KIAA0319L: variants seen among roughly 807,000 people sequenced by gnomAD.
KIAA0319L encodes the protein dyslexia-associated protein KIAA0319-like protein.
In KIAA0319L, 55 loss-of-function variants were observed where a neutral mutation model predicts 120.1. That is an observed-to-expected ratio of 0.46 (90% CI 0.37 to 0.57). The LOEUF (loss-of-function observed/expected upper bound fraction) is 0.57. Ranked by LOEUF, KIAA0319L falls within the 20% of genes least tolerant of loss-of-function variation. The pLI is 0.00. For missense variants in KIAA0319L, 1,049 were observed against 1,255.3 expected (o/e 0.84, Z 2.48); for synonymous variants, 398 against 471.9 (o/e 0.84, Z 2.03).
At chr1:35,484,806 A>ATTTTT (rs1198710657) in intron 3 of KIAA0319L, among the ~76,000 whole-genome samples, 41 of 86,228 alleles carry the variant, frequency 4.8e-4, no homozygotes, top group African/African-American at 4.2e-4. Context: ...ATATATATAT[A>ATTTTT]TTTTTTTTTT....
intron 2 of KIAA0319L, among the ~76,000 whole-genome samples, chr1:35,543,914 G>C (rs1317920896): frequency 6.6e-6 from 1 of 152,204 alleles, no homozygotes; most frequent in African/African-American, 2.4e-5. Flanking sequence ...TTTATAGTAA[G>C]TGATAAGGAT....
intron 2 of KIAA0319L, among the ~76,000 whole-genome samples, chr1:35,541,961 T>A (rs1646810828): frequency 6.6e-6 from 1 of 152,186 alleles, no homozygotes; most frequent in South Asian, 2.1e-4. Flanking sequence ...CTTCAATTAG[T>A]CTCAGACCTG....
chr1:35,495,062 T>G (rs1644749154), intron 3 of KIAA0319L, among the ~76,000 whole-genome samples: 1 of 152,058 alleles, frequency 6.6e-6, no homozygotes, highest in South Asian at 2.1e-4. Flanking sequence ...TAGACCTAAA[T>G]GTAAAACCTA....
At chr1:35,541,202 A>G (rs1265497585) in intron 2 of KIAA0319L, among the ~76,000 whole-genome samples, 1 of 151,964 alleles carries the variant, frequency 6.6e-6, no homozygotes, top group African/African-American at 2.4e-5. Flanking sequence ...TCGGCCTCCC[A>G]AACTGCTGGG....
At chr1:35,464,833 C>T (rs1643140580) in intron 7 of KIAA0319L, among the ~76,000 whole-genome samples, 1 of 152,250 alleles carries the variant, frequency 6.6e-6, no homozygotes, top group African/African-American at 2.4e-5. Context: ...ATCCCAGCTG[C>T]TCAAGCCATG....
At chr1:35,552,498 G>A (rs1451227358) in intron 2 of KIAA0319L, among the ~76,000 whole-genome samples, 1 of 152,180 alleles carries the variant, frequency 6.6e-6, no homozygotes, top group African/African-American at 2.4e-5. Context: ...AAGTCATTCT[G>A]CCTCTCTAGG....
intron 15 of KIAA0319L, among the ~76,000 whole-genome samples, chr1:35,448,590 AG>A (rs1464066955): frequency 6.6e-6 from 1 of 152,056 alleles, no homozygotes; most frequent in Non-Finnish European, 1.5e-5. Context: ...TGATGCAATG[AG>A]GGGTGGGGAG....
chr1:35,477,196 T>A (rs1643925479), intron 4 of KIAA0319L, among the ~76,000 whole-genome samples: 1 of 152,088 alleles, frequency 6.6e-6, no homozygotes, highest in African/African-American at 2.4e-5. Context: ...TGACAAGGGA[T>A]TAATAACCAG....
intron 3 of KIAA0319L, among the ~76,000 whole-genome samples, chr1:35,501,748 C>T (rs1276031268): frequency 2.0e-5 from 3 of 152,040 alleles, no homozygotes; most frequent in African/African-American, 7.3e-5. Flanking sequence ...CGTGATGGCT[C>T]ATGCCTGTAG....
At chr1:35,500,578 CT>C (rs1460694281) in intron 3 of KIAA0319L, among the ~76,000 whole-genome samples, 8 of 152,378 alleles carry the variant, frequency 5.3e-5, no homozygotes, top group Middle Eastern at 3.4e-3. Flanking sequence ...CTTTGCAGCT[CT>C]GCAGGCAGGC....
intron 3 of KIAA0319L, among the ~76,000 whole-genome samples, chr1:35,504,028 G>T (rs1214980370): frequency 1.3e-5 from 2 of 151,450 alleles, no homozygotes; most frequent in Non-Finnish European, 2.9e-5. Flanking sequence ...TGGGATTACA[G>T]GTGTGCACCA....
intron 2 of KIAA0319L, among the ~76,000 whole-genome samples, chr1:35,519,789 A>G (rs1318392873): frequency 6.6e-6 from 1 of 152,242 alleles, no homozygotes; most frequent in East Asian, 1.9e-4. Flanking sequence ...ATTCAGGAAG[A>G]GAAAGAGGAG....
chr1:35,470,389 A>G (rs1198810889), intron 6 of KIAA0319L, among the ~76,000 whole-genome samples: 2 of 148,378 alleles, frequency 1.3e-5, no homozygotes, highest in Non-Finnish European at 3.0e-5. Context: ...GCTACTCAGG[A>G]GGCTGAGGTA....
chr1:35,444,213 C>T lies in KIAA0319L; in HGVS notation c.2604G>A (p.Arg868=). The T allele has an allele frequency of 1.2e-6, 2 of 1,609,782 alleles. No homozygotes were observed. Among genetic ancestry groups the T allele is most frequent in the Non-Finnish European group, 1.7e-6 (2 of 1,178,296 alleles). The change falls in exon 17 of 21, where the codon CGG becomes CGA. Residue 868 remains arginine, a synonymous_variant. Coordinates refer to ENST00000325722, the MANE Select transcript of KIAA0319L (RefSeq NM_024874.5). Reference sequence around the variant, plus strand: ...ATATCAAAAAGTCTGCCTTTTGCTTCCGCAGCTCACTCTTGAGCATCGCTG... The same window carrying T: ...ATATCAAAAAGTCTGCCTTTTGCTTTCGCAGCTCACTCTTGAGCATCGCTG... ...EVAAMLKSEL[R]KQKADFLIFR...
chr1:35,526,803 T>A (rs1302516872), intron 2 of KIAA0319L, among the ~76,000 whole-genome samples: 5 of 152,096 alleles, frequency 3.3e-5, no homozygotes, highest in African/African-American at 1.2e-4. Context: ...CAGTGGATCA[T>A]GCCTGTAATC....
rs773194588 is a variant in KIAA0319L at position 35,474,830 on chromosome 1, T to C, written c.990A>G (p.Ala330=). ...CTTTAGGTGGTTCTTGGAGAACATATGCATTTAATTGAACTTCATTCTTAG... is the reference window on the plus strand; with the variant it reads ...CTTTAGGTGGTTCTTGGAGAACATACGCATTTAATTGAACTTCATTCTTAG... ...TLPKNEVQLN[A]YVLQEPPKGE... The change falls in exon 5 of 21, where the codon GCA becomes GCG. Residue 330 remains alanine, a synonymous_variant. Transcript: ENST00000325722. 5 of 1,606,060 alleles carry C rather than the reference T, an allele frequency of 3.1e-6. No individual in the cohort carries two copies. The highest frequency in any genetic ancestry group is 4.3e-6 in the Non-Finnish European group (5 of 1,172,922).
At chr1:35,435,327 C>T in intron 20 of KIAA0319L, 1 of 446,426 alleles carries the variant, frequency 2.2e-6, no homozygotes. Flanking sequence ...GCTGGTTCTT[C>T]ATCTCCAGTA....
At chr1:35,465,298 C>A (rs1643180112) in intron 7 of KIAA0319L, among the ~76,000 whole-genome samples, 1 of 152,226 alleles carries the variant, frequency 6.6e-6, no homozygotes, top group South Asian at 2.1e-4. Context: ...AAGACCATAG[C>A]AACACACCTC....
At chr1:35,461,520 C>T (rs550853239) in intron 8 of KIAA0319L, among the ~76,000 whole-genome samples, 1 of 152,152 alleles carries the variant, frequency 6.6e-6, no homozygotes, top group South Asian at 2.1e-4. Flanking sequence ...CACATAACAG[C>T]ACATATAATG....
Sources: gnomAD v4.1 joint callset for allele counts (sites outside exome capture counted in the v4.1 genomes callset) on GRCh38, gnomAD v4.1.1 for gene constraint, MANE v1.5 for transcripts, NCBI Gene and HGNC (gene_info 2026-07-23, HGNC 2026-07-21) for gene names.